LARP1B: variants seen among roughly 807,000 people sequenced by gnomAD.
The protein encoded by LARP1B is La ribonucleoprotein 1B, also known as la-related protein 1B.
LARP1B carries 76 observed loss-of-function variants against 114.2 expected under a neutral mutation model. The observed-to-expected ratio is 0.67, with a 90% confidence interval of 0.55 to 0.81. The LOEUF is 0.81. Among genes scored for constraint, LARP1B ranks in the 30% least tolerant of loss-of-function variants. The pLI is 0.00. For synonymous variants in LARP1B, 345 were observed against 348.0 expected (o/e 0.99, Z 0.10); for missense variants, 1,014 against 1,075.8 (o/e 0.94, Z 0.80).
At chr4:128,111,035 A>G (rs1404166422) in intron 9 of LARP1B, among the ~76,000 whole-genome samples, 2 of 150,964 alleles carry the variant, frequency 1.3e-5, no homozygotes, top group African/African-American at 4.9e-5. Context: ...ACATACCAAA[A>G]ACTCATAATT....
intron 11 of LARP1B, among the ~76,000 whole-genome samples, chr4:128,124,851 C>G (rs1487085683): frequency 1.3e-5 from 2 of 152,072 alleles, no homozygotes; most frequent in African/African-American, 4.8e-5. Flanking sequence ...AAAGCTGGCT[C>G]TAAGAGAAGA....
At chr4:128,134,174 A>T (rs1348460415) in intron 11 of LARP1B, among the ~76,000 whole-genome samples, 5 of 151,856 alleles carry the variant, frequency 3.3e-5, no homozygotes, top group African/African-American at 1.2e-4. Context: ...GTAATTAATG[A>T]ATTTTTTTTG....
chr4:128,121,786 TAG>T, intron 10 of LARP1B, 38 bp from the exon 11 acceptor site: 1 of 1,363,322 alleles, frequency 7.3e-7, no homozygotes. Flanking sequence ...TTAAAAATGA[TAG>T]AAAGTTTTTT....
intron 8 of LARP1B, among the ~76,000 whole-genome samples, chr4:128,106,392 A>G (rs950412758): frequency 2.0e-5 from 3 of 152,192 alleles, no homozygotes; most frequent in African/African-American, 7.2e-5. Context: ...AAGTTAATGT[A>G]CATATAACTT....
At chr4:128,086,161 G>T (rs577100866) in intron 5 of LARP1B, among the ~76,000 whole-genome samples, 2 of 151,542 alleles carry the variant, frequency 1.3e-5, no homozygotes, top group Admixed American at 1.3e-4. Context: ...CTGCCAGCAC[G>T]CCCGGCTATT....
At chr4:128,183,294 A>G (rs1214545824) in intron 15 of LARP1B, among the ~76,000 whole-genome samples, 1 of 152,188 alleles carries the variant, frequency 6.6e-6, no homozygotes, top group Non-Finnish European at 1.5e-5. Flanking sequence ...TCAGAGCTTC[A>G]AGGGATGGGG....
intron 11 of LARP1B, among the ~76,000 whole-genome samples, chr4:128,140,077 AT>A: frequency 6.6e-6 from 1 of 152,228 alleles, no homozygotes; most frequent in Non-Finnish European, 1.5e-5. Context: ...GGAATATAAA[AT>A]ATCTCAAATT....
intron 5 of LARP1B, among the ~76,000 whole-genome samples, chr4:128,087,377 G>A (rs542635182): frequency 6.6e-6 from 1 of 152,226 alleles, no homozygotes; most frequent in South Asian, 2.1e-4. Context: ...AAATTTTACA[G>A]ACTTAATATT....
At chr4:128,203,930 C>T in intron 17 of LARP1B, among the ~76,000 whole-genome samples, 1 of 152,206 alleles carries the variant, frequency 6.6e-6, no homozygotes, top group East Asian at 1.9e-4. Flanking sequence ...TTCTACTCCT[C>T]TGAGCTGTCT....
chr4:128,166,833 G>A (rs1472503016), intron 12 of LARP1B, among the ~76,000 whole-genome samples: 1 of 148,978 alleles, frequency 6.7e-6, no homozygotes, highest in Non-Finnish European at 1.5e-5. Flanking sequence ...TTTTCTTTCT[G>A]TGTCTGGCTT....
At chr4:128,095,992 A>AT (rs71587360) in intron 7 of LARP1B, among the ~76,000 whole-genome samples, 54,741 of 125,320 alleles carry the variant, frequency 0.44, 13,284 homozygotes, top group African/African-American at 0.53. Context: ...GGAGGCTATA[A>AT]TTTTTTTTTT....
chr4:128,114,803 A>C, intron 10 of LARP1B, 61 bp downstream of exon 10: 3 of 1,461,086 alleles, frequency 2.1e-6, no homozygotes, highest in South Asian at 1.3e-5. Context: ...AGGTCAGTGC[A>C]CTTTATGTTT....
At chr4:128,170,912 C>T (rs1373315007) in intron 12 of LARP1B, among the ~76,000 whole-genome samples, 83 of 110,284 alleles carry the variant, frequency 7.5e-4, no homozygotes, top group Non-Finnish European at 1.3e-3. Context: ...CCATTTTGTG[C>T]ATTCTTTGTG....
intron 11 of LARP1B, chr4:128,155,656 C>G: frequency 1.3e-6 from 2 of 1,556,598 alleles, no homozygotes; most frequent in Non-Finnish European, 1.8e-6. Flanking sequence ...GGGGCCGCCT[C>G]CAGTGGTGTG....
chr4:128,072,118 G>A (rs1486036169), intron 1 of LARP1B, among the ~76,000 whole-genome samples: 2 of 152,018 alleles, frequency 1.3e-5, no homozygotes, highest in South Asian at 4.1e-4. Context: ...TCGTGCCTCA[G>A]CCTCCAGAGT....
chr4:128,156,146 G>A (rs542473870), intron 11 of LARP1B: 41 of 1,611,024 alleles, frequency 2.5e-5, no homozygotes, highest in Non-Finnish European at 3.3e-5. Context: ...AAGAGTAGCA[G>A]CAGCAGCGGA....
intron 9 of LARP1B, chr4:128,107,589 TA>T (rs1782548083): frequency 1.5e-6 from 2 of 1,372,830 alleles, no homozygotes; most frequent in Non-Finnish European, 1.9e-6. Context: ...TTATTTTTAC[TA>T]AATAACTATA....
chr4:128,214,167 C>T (rs1301781723), downstream of LARP1B, among the ~76,000 whole-genome samples: 6 of 138,300 alleles, frequency 4.3e-5, no homozygotes, highest in East Asian at 2.0e-4. Context: ...CACGGAATCT[C>T]GCTGATTGCT....
At chr4:128,127,494 T>C (rs1421983130) in intron 11 of LARP1B, among the ~76,000 whole-genome samples, 2 of 152,180 alleles carry the variant, frequency 1.3e-5, no homozygotes, top group African/African-American at 4.8e-5. Flanking sequence ...TCTAAGTTCA[T>C]TTGGAAATTT....
Sources: gnomAD v4.1 joint callset for allele counts (sites outside exome capture counted in the v4.1 genomes callset) on GRCh38, gnomAD v4.1.1 for gene constraint, MANE v1.5 for transcripts, NCBI Gene and HGNC (gene_info 2026-07-23, HGNC 2026-07-21) for gene names.